Variants in NT5E observed in about 807,000 individuals in gnomAD.
NT5E encodes the protein 5'-nucleotidase ecto.
A neutral mutation model predicts 55.1 loss-of-function variants in NT5E; 53 were observed. That is an observed-to-expected ratio of 0.96 (90% CI 0.77 to 1.21). The LOEUF (loss-of-function observed/expected upper bound fraction) is 1.21. Among genes scored for constraint, NT5E ranks in the 50% most tolerant of loss-of-function variants. The pLI, the probability that NT5E is intolerant of heterozygous loss-of-function variation, is 0.00. For missense variants in NT5E, 683 were observed against 724.3 expected (o/e 0.94, Z 0.65); for synonymous variants, 270 against 278.4 (o/e 0.97, Z 0.30).
rs112351363 is a variant in NT5E at position 85,454,298 on chromosome 6, A to T, written c.339+3820A>T. On this transcript the variant is annotated intron_variant, in intron 1 of 8. Coordinates refer to ENST00000257770, the MANE Select transcript of NT5E (RefSeq NM_002526.4). ...TGACTGACATCCTCCATTCTCTTCC[A>T]CCTACTCCCATCCCCAAACAGGACA... Among the ~76,000 whole-genome samples the T allele has an allele frequency of 3.3e-3, 499 of 152,220 alleles. 2 individuals carry two copies. Among genetic ancestry groups the T allele is most frequent in the African/African-American group, 0.011 (470 of 41,520 alleles).
intron 5 of NT5E, 89 bp downstream of exon 5, chr6:85,487,578 T>C: frequency 2.0e-6 from 3 of 1,510,934 alleles, no homozygotes; most frequent in Non-Finnish European, 1.8e-6. Context: ...GATAGATCGA[T>C]AGCTACAGAA....
At chr6:85,464,892 C>G (rs1769160588) in intron 1 of NT5E, among the ~76,000 whole-genome samples, 1 of 152,108 alleles carries the variant, frequency 6.6e-6, no homozygotes, top group African/African-American at 2.4e-5. Context: ...GCTTTATTGA[C>G]TGGGTATATG....
chr6:85,478,606 C>G (rs1278987313), intron 3 of NT5E, among the ~76,000 whole-genome samples: 1 of 152,068 alleles, frequency 6.6e-6, no homozygotes, highest in Non-Finnish European at 1.5e-5. Flanking sequence ...TGAGCATCAG[C>G]TTTCTTTTTT....
intron 1 of NT5E, among the ~76,000 whole-genome samples, chr6:85,459,783 A>G (rs1003762335): frequency 1.3e-5 from 2 of 152,246 alleles, no homozygotes; most frequent in African/African-American, 4.8e-5. Context: ...GTCAATATTT[A>G]CATTTGATGT....
Position 85,494,034 on chromosome 6 carries a change from A to T in NT5E, c.*30A>T, listed in dbSNP as rs1263484746. 1.2e-6 allele frequency: 2 copies of T among 1,610,862 alleles called. No homozygotes were observed. The highest frequency in any genetic ancestry group is 4.5e-5 in the East Asian group (2 of 44,794). On this transcript the variant is annotated 3_prime_UTR_variant, in exon 9 of 9. Transcript: ENST00000257770. The stretch of plus-strand genomic sequence containing the variant: ...AAATTCTCCTTGCCTTTAATGTGTG[A>T]AACTGCATTTTTTCAAGTGAGATTC...
intron 5 of NT5E, 72 bp downstream of exon 5, chr6:85,487,561 G>C (rs998786420): frequency 6.4e-7 from 1 of 1,567,540 alleles, no homozygotes; most frequent in Non-Finnish European, 8.8e-7. Context: ...GGAAGGATGC[G>C]AGAAGGGATA....
At position 85,483,992 on chromosome 6, in the gene NT5E, C is replaced by T. The variant is rs534012229; in HGVS notation, c.752-1243C>T. Among the ~76,000 whole-genome samples, 18 of 152,266 alleles carry T rather than the reference C, an allele frequency of 1.2e-4. No individual in the cohort carries two copies. The South Asian group carries it at 3.7e-3, about 32-fold the overall frequency. On this transcript the variant is annotated intron_variant, in intron 3 of 8. Coordinates refer to ENST00000257770, the MANE Select transcript of NT5E (RefSeq NM_002526.4). ...CATACCAGCTGTGTGACCGTGGGTA[C>T]TCTGTCTATGACAATCAATTTTCTT...
chr6:85,450,356 C>G lies in NT5E; in HGVS notation c.217C>G (p.Arg73Gly). ...CTTCACCAAGGTTCAGCAGATCCGC[C>G]GCGCCGAACCCAACGTGCTGCTGCT... The part of the protein sequence containing the change: ...RLFTKVQQIR[R>G]AEPNVLLLDA... The change falls in exon 1 of 9, where the codon CGC (arginine) becomes GGC (glycine). Residue 73 changes from arginine to glycine, a missense_variant. Physicochemically the swap from Arg to Gly is moderately radical, Grantham distance 125. Transcript: ENST00000257770. This position sits in a 1 kb window ranked among gnomAD's most constrained non-coding sequence, Gnocchi z 4.0. 1 of 1,594,652 alleles carries G rather than the reference C, an allele frequency of 6.3e-7. No individual in the cohort carries two copies. The highest frequency in any genetic ancestry group is 8.5e-7 in the Non-Finnish European group (1 of 1,171,932).
intron 3 of NT5E, among the ~76,000 whole-genome samples, chr6:85,472,347 C>G (rs1358508547): frequency 1.3e-5 from 2 of 152,102 alleles, no homozygotes; most frequent in African/African-American, 4.8e-5. Flanking sequence ...GTAGGAAATA[C>G]CCAAAAACAT....
At chr6:85,455,672 C>T (rs79142750) in intron 1 of NT5E, among the ~76,000 whole-genome samples, 4,329 of 152,314 alleles carry the variant, frequency 0.028, 87 homozygotes, top group Middle Eastern at 0.065. Context: ...TATAGCCATT[C>T]AGCCAGAAGC....
rs114081526 is a variant in NT5E, at chr6:85,452,283, A to G, written c.339+1805A>G. On this transcript the variant is annotated intron_variant, in intron 1 of 8. Transcript: ENST00000257770. ...TTTTTGTGACACTCTTTTCTCCACAATTGTGTGAACCCTTTTTAGTGGAAA... is the reference window on the plus strand; with the variant it reads ...TTTTTGTGACACTCTTTTCTCCACAGTTGTGTGAACCCTTTTTAGTGGAAA... Among the ~76,000 whole-genome samples, 366 of 152,332 alleles carry G rather than the reference A, an allele frequency of 2.4e-3. 3 individuals carry two copies. The highest frequency in any genetic ancestry group is 8.0e-3 in the African/African-American group (334 of 41,574).
chr6:85,489,635 T>C, intron 6 of NT5E, 36 bp downstream of exon 6: 1 of 1,438,900 alleles, frequency 6.9e-7, no homozygotes, highest in Non-Finnish European at 9.8e-7. Flanking sequence ...GTGTGTCATG[T>C]TCTCTCTCTG....
At chr6:85,463,074 C>CT (rs1034130052) in intron 1 of NT5E, among the ~76,000 whole-genome samples, 27 of 151,874 alleles carry the variant, frequency 1.8e-4, no homozygotes, top group African/African-American at 5.8e-4. Context: ...ATCATCAATT[C>CT]TTTTTTTAAA....
Position 85,471,399 on chromosome 6 carries a change from G to A in NT5E, c.725G>A (p.Gly242Glu). 1.2e-6 allele frequency: 2 copies of A among 1,612,916 alleles called. No homozygotes were observed. Among genetic ancestry groups the A allele is most frequent in the Non-Finnish European group, 8.5e-7 (1 of 1,179,228 alleles). Reference protein sequence around the residue: ...KVRGVDVVVGGHSNTFLYTGN... With the variant: ...KVRGVDVVVGEHSNTFLYTGN... ...AGGGGTGTGGACGTCGTGGTGGGAG[G>A]ACACTCCAACACATTTCTTTACACA... The change falls in exon 3 of 9, where the codon GGA (glycine) becomes GAA (glutamate). Residue 242 changes from glycine to glutamate, a missense_variant. Gly to Glu is a moderately conservative substitution (Grantham distance 98). Transcript: ENST00000257770.
chr6:85,467,846 A>G lies in NT5E; in HGVS notation c.562+564A>G, dbSNP rs143779894. Among the ~76,000 whole-genome samples, 1,157 of 151,752 alleles carry G rather than the reference A, an allele frequency of 7.6e-3. 3 individuals are homozygous for G. The highest frequency in any genetic ancestry group is 0.012 in the Non-Finnish European group (830 of 67,904). On this transcript the variant is annotated intron_variant, in intron 2 of 8. Transcript: ENST00000257770. ...TATGTATATACATTTATAGACATAT[A>G]TACACATATGTATATATAATATATA...
chr6:85,451,888 C>T (rs748527862), intron 1 of NT5E, among the ~76,000 whole-genome samples: 1 of 152,178 alleles, frequency 6.6e-6, no homozygotes, highest in Non-Finnish European at 1.5e-5. Flanking sequence ...CCCCCCACAA[C>T]AAGAAAGCTC....
At position 85,493,911 on chromosome 6, in the gene NT5E, T is replaced by G. The variant is rs1324661138; in HGVS notation, c.1632T>G (p.Gly544=). ...AAGTAATTTATCCAGCAGTTGAAGGTCGGATCAAGTTTTCCACAGGAAGTC... is the reference window on the plus strand; with the variant it reads ...AAGTAATTTATCCAGCAGTTGAAGGGCGGATCAAGTTTTCCACAGGAAGTC... ...KMKVIYPAVE[G]RIKFSTGSHC... is the part of the protein sequence containing the mutation. The change falls in exon 9 of 9, where the codon GGT becomes GGG. Residue 544 remains glycine, a synonymous_variant. Transcript: ENST00000257770. 1 of 1,614,096 alleles carries G rather than the reference T, an allele frequency of 6.2e-7. No homozygotes were observed. The highest frequency in any genetic ancestry group is 1.7e-5 in the Admixed American group (1 of 60,024).
At chr6:85,465,127 A>C (rs7746065) in intron 1 of NT5E, among the ~76,000 whole-genome samples, 113,865 of 152,112 alleles carry the variant, frequency 0.75, 43,580 homozygotes, top group African/African-American at 0.89. Flanking sequence ...CACCATGAAT[A>C]AGGGGCTCCT....
Position 85,494,384 on chromosome 6 carries a change from T to C in NT5E, c.*380T>C, listed in dbSNP as rs1281054750. 1 of 201,036 alleles carries C rather than the reference T, an allele frequency of 5.0e-6. No individual in the cohort carries two copies. Among genetic ancestry groups the C allele is most frequent in the Non-Finnish European group, 1.0e-5 (1 of 97,714 alleles). The allele number at this position is 201,036 out of a possible 1,614,324, so 12.5% of individuals were successfully genotyped here. A position where few individuals can be genotyped will look rare whatever the true frequency, so the allele number is the denominator to read the frequency against. The stretch of plus-strand genomic sequence containing the variant: ...AGGAAGTTTTAAGCACACTGTCTCA[T>C]TTGATATCCACAACTTATTTTTGGT... On this transcript the variant is annotated 3_prime_UTR_variant, in exon 9 of 9. Transcript: ENST00000257770.
Sources: gnomAD v4.1 joint callset for allele counts (sites outside exome capture counted in the v4.1 genomes callset) on GRCh38, gnomAD v4.1.1 for gene constraint, Gnocchi (gnomAD v3.1) non-coding constraint, MANE v1.5 for transcripts, NCBI Gene and HGNC (gene_info 2026-07-23, HGNC 2026-07-21) for gene names.